The following NLRC5 variants were observed in gnomAD, a reference collection of about 807,000 sequenced individuals.
The protein encoded by NLRC5 is protein NLRC5.
In NLRC5, 114 loss-of-function variants were observed where a neutral mutation model predicts 206.9. The ratio of observed to expected loss-of-function variants is 0.55; its 90% CI spans 0.47 to 0.64. The LOEUF (loss-of-function observed/expected upper bound fraction) is 0.64. Ranked by LOEUF, NLRC5 falls within the 30% of genes least tolerant of loss-of-function variation. The pLI is 0.00. For synonymous variants in NLRC5, 952 were observed against 962.8 expected (o/e 0.99, Z 0.21); for missense variants, 2,008 against 2,305.5 (o/e 0.87, Z 2.64).
intron 1 of NLRC5, among the ~76,000 whole-genome samples, chr16:57,001,542 G>A (rs1287570059): frequency 6.6e-6 from 1 of 152,210 alleles, no homozygotes; most frequent in Non-Finnish European, 1.5e-5. Flanking sequence ...CGGAAGAAGC[G>A]ATAGCAACGA....
intron 35 of NLRC5, 72 bp from the exon 36 acceptor site, chr16:57,067,664 C>G: frequency 6.7e-7 from 1 of 1,485,510 alleles, no homozygotes; most frequent in South Asian, 1.1e-5. Context: ...TCTTGGCACC[C>G]CCTTCTGGAT....
At chr16:57,058,768 C>T (rs1186979375) in intron 28 of NLRC5, among the ~76,000 whole-genome samples, 1 of 152,216 alleles carries the variant, frequency 6.6e-6, no homozygotes, top group African/African-American at 2.4e-5. Context: ...GTGCAGCGCT[C>T]AAGGACTCAG....
At chr16:57,044,851 A>G (rs118092024) in intron 20 of NLRC5, among the ~76,000 whole-genome samples, 1 of 151,972 alleles carries the variant, frequency 6.6e-6, no homozygotes, top group East Asian at 1.9e-4. Context: ...TCGAGGCTAC[A>G]GTGAGTTGTG....
intron 8 of NLRC5, among the ~76,000 whole-genome samples, chr16:57,028,787 A>C (rs2061498022): frequency 1.3e-5 from 2 of 152,214 alleles, no homozygotes; most frequent in Non-Finnish European, 2.9e-5. Flanking sequence ...CATATGCAAG[A>C]ATATGCACCC....
At chr16:57,001,208 T>G (rs143361625) in intron 1 of NLRC5, among the ~76,000 whole-genome samples, 1 of 152,372 alleles carries the variant, frequency 6.6e-6, no homozygotes, top group Non-Finnish European at 1.5e-5. Context: ...GGCCCTGACC[T>G]GTCCACCTGG....
Position 57,067,477 on chromosome 16 carries a change from G to A in NLRC5, c.4406+7G>A, listed in dbSNP as rs117642890. On this transcript the variant is annotated splice_region_variant and intron_variant, in intron 35 of 48. Transcript: ENST00000688547. ...CCAGGCTGCAGCAGCTCAGGTCAGCGCCTGGAAACTCTGTGTGGGGCCCTG... is the reference window on the plus strand; with the variant it reads ...CCAGGCTGCAGCAGCTCAGGTCAGCACCTGGAAACTCTGTGTGGGGCCCTG... 551 of 1,613,940 alleles carry A rather than the reference G, an allele frequency of 3.4e-4. 1 individual carries two copies. The East Asian group carries it at 0.01, about 30-fold the overall frequency.
chr16:57,058,430 G>A (rs1479332153), intron 28 of NLRC5: 5 of 472,382 alleles, frequency 1.1e-5, no homozygotes, highest in Non-Finnish European at 1.9e-5. Context: ...TGGGGACAGG[G>A]AAGCAACATT....
At chr16:57,061,729 G>A in intron 32 of NLRC5, 28 bp downstream of exon 32, 1 of 1,589,486 alleles carries the variant, frequency 6.3e-7, no homozygotes, top group African/African-American at 1.3e-5. Context: ...GCCTCCGGGA[G>A]GGGCCATGGC....
intron 35 of NLRC5, 45 bp downstream of exon 35, chr16:57,067,515 G>A: frequency 6.3e-7 from 1 of 1,578,650 alleles, no homozygotes; most frequent in Non-Finnish European, 8.7e-7. Flanking sequence ...TTCTCTGGTT[G>A]ACCCTGGTAC....
At chr16:57,022,609 G>A (rs1197759344) in intron 4 of NLRC5, among the ~76,000 whole-genome samples, 7 of 152,094 alleles carry the variant, frequency 4.6e-5, no homozygotes, top group South Asian at 2.1e-4. Context: ...CCCGCAACCC[G>A]CAGGGCCTCA....
At chr16:57,020,166 C>A (rs2060498946) in intron 2 of NLRC5, among the ~76,000 whole-genome samples, 1 of 151,558 alleles carries the variant, frequency 6.6e-6, no homozygotes, top group Admixed American at 6.6e-5. Flanking sequence ...TATCCCCCAA[C>A]TCACCTTCCC....
intron 24 of NLRC5, among the ~76,000 whole-genome samples, chr16:57,052,036 G>T (rs1341021306): frequency 6.6e-6 from 1 of 152,184 alleles, no homozygotes; most frequent in African/African-American, 2.4e-5. Flanking sequence ...CTCGTAGAAA[G>T]GGGCTGTACA....
chr16:57,028,299 T>C lies in NLRC5; in HGVS notation c.2160-3T>C, dbSNP rs777057662. On this transcript the variant is annotated splice_region_variant and splice_polypyrimidine_tract_variant and intron_variant, in intron 7 of 48. Coordinates refer to ENST00000688547, the MANE Select transcript of NLRC5 (RefSeq NM_001384950.1). ...CTCCCCACCATCTTTGCTTACTCTG[T>C]AGGTTAGCAGGAAGTAAAATCACTG... 1.9e-6 allele frequency: 3 copies of C among 1,613,190 alleles called. No homozygotes were observed. Among genetic ancestry groups the C allele is most frequent in the East Asian group, 2.2e-5 (1 of 44,892 alleles).
rs7190199 is a variant in NLRC5, at chr16:57,067,428, T to C, written c.4364T>C (p.Val1455Ala). 96,665 of 1,613,960 alleles carry C rather than the reference T, an allele frequency of 0.06. 3,731 individuals are homozygous for C. Among genetic ancestry groups the C allele is most frequent in the African/African-American group, 0.13 (9,906 of 75,032 alleles). Reference sequence around the variant, plus strand: ...CTTGGAGCCCACCACAGCCTTCTTGTCGGGCAGCTGATGGAGACATGTGCC... The same window carrying C: ...CTTGGAGCCCACCACAGCCTTCTTGCCGGGCAGCTGATGGAGACATGTGCC... ...CDLGAHHSLLVGQLMETCARL... is the reference protein window; with the variant it reads ...CDLGAHHSLLAGQLMETCARL... Residue 1455 changes from valine to alanine, a missense_variant, in exon 35 of 49, where the codon GTC becomes GCC. Transcript: ENST00000688547.
In NLRC5 at chr16:57,034,157, T is replaced by C. The variant is rs1275534565; in HGVS notation, c.2544-11T>C. ...TGCCCTGAGCCCTTCTGTCCCCCAC[T>C]CCTACCCAAGGCTGCAGAAGTGTCA... On this transcript the variant is annotated splice_polypyrimidine_tract_variant and intron_variant, in intron 12 of 48. Transcript: ENST00000688547. 3 of 1,613,210 alleles carry C rather than the reference T, an allele frequency of 1.9e-6. No individual in the cohort carries two copies.
At chr16:57,010,551 T>C (rs1275175750) in intron 1 of NLRC5, among the ~76,000 whole-genome samples, 1 of 152,104 alleles carries the variant, frequency 6.6e-6, no homozygotes, top group East Asian at 1.9e-4. Context: ...TCTTTTATTT[T>C]TTGTAGAGAC....
rs185059157 is a variant in NLRC5 at position 57,065,117 on chromosome 16, C to G, written c.4155-95C>G. ...AAAAAAACTCAAAAAGCCTCTAGGT[C>G]CCCCCCTTGACACTCCTCCCCCGGC... On this transcript the variant is annotated intron_variant, in intron 32 of 48. Transcript: ENST00000688547. 22 of 672,698 alleles carry G rather than the reference C, an allele frequency of 3.3e-5. No individual in the cohort carries two copies. In the East Asian group the frequency reaches 4.4e-4, roughly 13 times the overall value. 41.7% of individuals were successfully genotyped at this position (672,698 alleles called of 1,614,324 possible).
rs1198912219 is a variant in NLRC5, at chr16:57,025,545, T to C, written c.602T>C (p.Val201Ala). The change falls in exon 6 of 49, where the codon GTG becomes GCG. Residue 201 changes from valine (V) to alanine (A), a missense_variant. Coordinates refer to ENST00000688547, the MANE Select transcript of NLRC5 (RefSeq NM_001384950.1). ...PEGAIMGDVK[V>A]EDGADVSISD... ...GGGGCCATTATGGGGGACGTCAAGG[T>C]GGAAGATGGTGCTGACGTGAGCATC... 1 of 1,613,504 alleles carries C rather than the reference T, an allele frequency of 6.2e-7. No individual in the cohort carries two copies. The highest frequency in any genetic ancestry group is 1.1e-5 in the South Asian group (1 of 91,044).
At chr16:56,994,159 T>A (rs1355505776) in intron 1 of NLRC5, among the ~76,000 whole-genome samples, 1 of 72,706 alleles carries the variant, frequency 1.4e-5, no homozygotes, top group African/African-American at 5.6e-5. Context: ...TGTATGTGTA[T>A]GGGGCGGAGG....
Sources: gnomAD v4.1 joint callset for allele counts (sites outside exome capture counted in the v4.1 genomes callset) on GRCh38, gnomAD v4.1.1 for gene constraint, MANE v1.5 for transcripts, NCBI Gene and HGNC (gene_info 2026-07-23, HGNC 2026-07-21) for gene names.